The following DLL1 variants were observed in gnomAD, a reference collection of about 807,000 sequenced individuals.
The protein encoded by DLL1 is delta like canonical Notch ligand 1.
DLL1 carries 9 observed loss-of-function variants against 75.1 expected under a neutral mutation model. The ratio of observed to expected loss-of-function variants is 0.12; its 90% CI spans 0.07 to 0.21. The LOEUF (loss-of-function observed/expected upper bound fraction) is 0.21, where lower values mean the gene tolerates loss of function less well. Ranked by LOEUF, DLL1 falls within the 10% of genes least tolerant of loss-of-function variation. DLL1 has a pLI of 1.00. For synonymous variants in DLL1, 477 were observed against 418.3 expected, an observed-to-expected ratio of 1.14 and a Z score of -1.71; for missense variants, 837 against 1,007.6, an observed-to-expected ratio of 0.83 and a Z score of 2.29.
chr6:170,285,194 T>A (rs1296297726), intron 7 of DLL1, 59 bp from the exon 8 acceptor site: 1 of 1,613,734 alleles, frequency 6.2e-7, no homozygotes, highest in African/African-American at 1.3e-5. Context: ...GCCCACACAC[T>A]CCATTCAACA....
At position 170,290,956 on chromosome 6, in the gene DLL1, T is replaced by C; in HGVS notation, c.-817A>G. The stretch of plus-strand genomic sequence containing the variant: ...CTCTCGCCGGCGCCTGCCGCCCTTA[T>C]ATTCAGCCGGCCGCCCGCATGGCTA... On this transcript the variant is annotated 5_prime_UTR_variant, in exon 1 of 11. It adds an upstream start codon to the 5' untranslated region. Coordinates refer to ENST00000366756, the MANE Select transcript of DLL1 (RefSeq NM_005618.4). The surrounding 1 kb of genome is among the most constrained non-coding windows in gnomAD (Gnocchi z 4.7). The C allele has an allele frequency of 1.4e-6, 1 of 700,374 alleles. No homozygotes were observed. Among genetic ancestry groups the C allele is most frequent in the Non-Finnish European group, 2.6e-6 (1 of 383,642 alleles). The allele number at this position is 700,374 out of a possible 1,614,324, so 43.4% of individuals were successfully genotyped here.
At position 170,283,273 on chromosome 6, in the gene DLL1, C is replaced by T. The variant is rs532671084; in HGVS notation, c.2006G>A (p.Gly669Asp). 1.2e-5 allele frequency: 19 copies of T among 1,613,020 alleles called. No individual in the cohort carries two copies. In the South Asian group the frequency reaches 1.9e-4, roughly 16 times the overall value. The part of the protein sequence containing the change: ...SKRDTKCQPQ[G>D]SSGEEKGTPT... The stretch of plus-strand genomic sequence containing the variant: ...GGTCCCCTTCTCCTCCCCTGAGGAG[C>T]CCTGGGGCTGGCACTTGGTGTCACG... The change falls in exon 9 of 11, where the codon GGC becomes GAC. Residue 669 changes from glycine (G) to aspartate (D), a missense_variant. Physicochemically the swap from Gly to Asp is moderately conservative, Grantham distance 94 (BLOSUM62 -1). Around this residue, in one of 2 missense-constraint regions of DLL1, gnomAD observed 533 missense variants for 545.7 expected, o/e 0.98. Transcript: ENST00000366756.
chr6:170,284,040 G>C lies in DLL1; in HGVS notation c.1250-11C>G. ...CCACACACTTGGCACCTGGAACACA[G>C]GGACATGAACATCACGTGTCTCCTC... On this transcript the variant is annotated splice_polypyrimidine_tract_variant and intron_variant, in intron 8 of 10. Transcript: ENST00000366756. 1.3e-6 allele frequency: 2 copies of C among 1,559,448 alleles called. No homozygotes were observed. Among genetic ancestry groups the C allele is most frequent in the Non-Finnish European group, 1.7e-6 (2 of 1,160,618 alleles).
chr6:170,284,586 T>G (rs1724991404), intron 8 of DLL1, among the ~76,000 whole-genome samples: 1 of 152,278 alleles, frequency 6.6e-6, no homozygotes. Context: ...GCCACACAGC[T>G]GGGCCATCCT....
intron 1 of DLL1, 126 bp from the exon 2 acceptor site, chr6:170,289,934 C>T (rs913063936): frequency 1.1e-5 from 14 of 1,332,328 alleles, no homozygotes; most frequent in Non-Finnish European, 4.9e-6. Flanking sequence ...GCTGCACGGC[C>T]GGCGCTGGGG....
chr6:170,290,234 G>C lies in DLL1; in HGVS notation c.-95C>G, dbSNP rs929514767. 4 of 1,467,424 alleles carry C rather than the reference G, an allele frequency of 2.7e-6. No individual in the cohort carries two copies. Among genetic ancestry groups the C allele is most frequent in the Non-Finnish European group, 3.7e-6 (4 of 1,085,472 alleles). 90.9% of individuals were successfully genotyped at this position (1,467,424 alleles called of 1,614,324 possible). ...GGGATCGATGGGCCACGGGGAGCGT[G>C]GGCAGAAAAGCGCCCTTGCCTCGCC... On this transcript the variant is annotated 5_prime_UTR_variant, in exon 1 of 11. Coordinates refer to ENST00000366756, the MANE Select transcript of DLL1 (RefSeq NM_005618.4). The surrounding 1 kb of genome is among the most constrained non-coding windows in gnomAD (Gnocchi z 4.7).
At chr6:170,288,070 C>A (rs962343369) in intron 4 of DLL1, 169 bp downstream of exon 4, 1 of 965,752 alleles carries the variant, frequency 1.0e-6, no homozygotes, top group Non-Finnish European at 1.6e-6. Flanking sequence ...CCCAACCCCC[C>A]CACTGACGAG....
chr6:170,285,325 T>A lies in DLL1; in HGVS notation c.961A>T (p.Thr321Ser), dbSNP rs774015430. 43 of 1,614,054 alleles carry A rather than the reference T, an allele frequency of 2.7e-5. 1 individual carries two copies. In the South Asian group the frequency reaches 3.1e-4, roughly 12 times the overall value. ...SYTCSCRPGY[T>S]GATCELGIDE... ...ATCCCCAGCTCGCAGGTGGCACCTGTGTACCCAGGCCGGCAAGAGCAAGTG... is the reference window on the plus strand; with the variant it reads ...ATCCCCAGCTCGCAGGTGGCACCTGAGTACCCAGGCCGGCAAGAGCAAGTG... Residue 321 changes from threonine (T) to serine (S), a missense_variant, in exon 7 of 11, where the codon ACA (threonine) becomes TCA (serine). This residue lies in a region of DLL1 where 304 missense variants were observed against 461.9 expected (regional missense o/e 0.66). Coordinates refer to ENST00000366756, the MANE Select transcript of DLL1 (RefSeq NM_005618.4).
rs1562495565 is a variant in DLL1 at position 170,284,955 on chromosome 6, T to C, written c.1213A>G (p.Lys405Glu). Residue 405 changes from lysine (K) to glutamate (E), a missense_variant, in exon 8 of 11, where the codon AAA becomes GAA. Transcript: ENST00000366756. ...VGYSGFNCEK[K>E]IDYCSSSPCS... Reference sequence around the variant, plus strand: ...GGTGAAGAGCTGCAGTAGTCAATTTTCTTCTCACAGTTGAAGCCGGAGTAG... The same window carrying C: ...GGTGAAGAGCTGCAGTAGTCAATTTCCTTCTCACAGTTGAAGCCGGAGTAG... 1 of 1,614,090 alleles carries C rather than the reference T, an allele frequency of 6.2e-7. No homozygotes were observed. The highest frequency in any genetic ancestry group is 8.5e-7 in the Non-Finnish European group (1 of 1,180,036).
rs1262469072 is a variant in DLL1 at position 170,290,917 on chromosome 6, C to T, written c.-778G>A. The T allele has an allele frequency of 1.4e-6, 1 of 696,090 alleles. No homozygotes were observed. Among genetic ancestry groups the T allele is most frequent in the Non-Finnish European group, 2.6e-6 (1 of 381,694 alleles). The allele number at this position is 696,090 out of a possible 1,614,324, so 43.1% of individuals were successfully genotyped here. On this transcript the variant is annotated 5_prime_UTR_variant, in exon 1 of 11. Coordinates refer to ENST00000366756, the MANE Select transcript of DLL1 (RefSeq NM_005618.4). The surrounding 1 kb of genome is among the most constrained non-coding windows in gnomAD (Gnocchi z 4.7). ...GCCGGGTCGGGTCTCCGCGGGTGCG[C>T]GCAGAGGATCTGGCTCTCGCCGGCG... is the stretch of plus-strand genomic sequence containing the variant.
rs1562495500 is a variant in DLL1, at chr6:170,284,840, C to A, written c.1249+79G>T. 2.8e-6 allele frequency: 4 copies of A among 1,427,976 alleles called. No individual in the cohort carries two copies. In the South Asian group the frequency reaches 4.6e-5, roughly 16 times the overall value. 88.5% of individuals were successfully genotyped at this position (1,427,976 alleles called of 1,614,324 possible). A position where few individuals can be genotyped will look rare whatever the true frequency, so the allele number is the denominator to read the frequency against. On this transcript the variant is annotated intron_variant, in intron 8 of 10. Transcript: ENST00000366756. Reference sequence around the variant, plus strand: ...AGTGATTCATAAACTCGAGGTCACTCACAAATGCTTGTTTTTAATGCCACC... The same window carrying A: ...AGTGATTCATAAACTCGAGGTCACTAACAAATGCTTGTTTTTAATGCCACC...
chr6:170,286,189 G>C, intron 5 of DLL1, 49 bp downstream of exon 5: 2 of 1,611,648 alleles, frequency 1.2e-6, no homozygotes, highest in East Asian at 2.2e-5. Flanking sequence ...GCTGTGAAAA[G>C]ATAACAAGAA....
chr6:170,289,983 C>G (rs561774137), intron 1 of DLL1, 103 bp downstream of exon 1: 8 of 1,338,000 alleles, frequency 6.0e-6, no homozygotes, highest in African/African-American at 1.6e-5. Context: ...CCGTGGCTGG[C>G]GCGGCCCGTG....
Position 170,285,087 on chromosome 6 carries a change from T to C in DLL1, c.1081A>G (p.Lys361Glu). The change falls in exon 8 of 11, where the codon AAA becomes GAA. Residue 361 changes from lysine to glutamate, a missense_variant. Lys to Glu is a moderately conservative substitution (Grantham distance 56). This residue lies in a region of DLL1 where 533 missense variants were observed against 545.7 expected (regional missense o/e 0.98). Coordinates refer to ENST00000366756, the MANE Select transcript of DLL1 (RefSeq NM_005618.4). ...GTCATGGCACTCAATTCACAGATTT[T>C]GCCGTAGAAGCCGGGTGGGCAGGTA... ...SCTCPPGFYG[K>E]ICELSAMTCA... 6.2e-7 allele frequency: 1 copy of C among 1,614,134 alleles called. No individual in the cohort carries two copies. Among genetic ancestry groups the C allele is most frequent in the East Asian group, 2.2e-5 (1 of 44,866 alleles).
chr6:170,284,079 C>A, intron 8 of DLL1, 50 bp from the exon 9 acceptor site: 1 of 1,534,556 alleles, frequency 6.5e-7, no homozygotes, highest in Non-Finnish European at 8.7e-7. Flanking sequence ...GGTTTGTTCA[C>A]CAAAAAGTCA....
At chr6:170,284,141 A>G in intron 8 of DLL1, 112 bp from the exon 9 acceptor site, 1 of 1,408,848 alleles carries the variant, frequency 7.1e-7, no homozygotes, top group Non-Finnish European at 9.7e-7. Flanking sequence ...AACCAAAGAC[A>G]GTCTGTGGCC....
Position 170,290,034 on chromosome 6 carries a change from C to G in DLL1, c.54+52G>C. 2.0e-6 allele frequency: 3 copies of G among 1,530,552 alleles called. No individual in the cohort carries two copies. The highest frequency in any genetic ancestry group is 2.6e-6 in the Non-Finnish European group (3 of 1,148,142). The allele number at this position is 1,530,552 out of a possible 1,614,324, so 94.8% of individuals were successfully genotyped here. ...CCCCGCGCGCTCCTGCCCCGCGCCCCGGCTACCCGTGAGACCCCGCGGGGC... is the reference window on the plus strand; with the variant it reads ...CCCCGCGCGCTCCTGCCCCGCGCCCGGGCTACCCGTGAGACCCCGCGGGGC... On this transcript the variant is annotated intron_variant, in intron 1 of 10. Coordinates refer to ENST00000366756, the MANE Select transcript of DLL1 (RefSeq NM_005618.4). The surrounding 1 kb of genome is among the most constrained non-coding windows in gnomAD (Gnocchi z 4.7).
intron 1 of DLL1, 43 bp from the exon 2 acceptor site, chr6:170,289,851 C>G (rs758011175): frequency 1.9e-5 from 30 of 1,538,776 alleles, no homozygotes; most frequent in Non-Finnish European, 2.4e-5. Context: ...GGGTCCCGCC[C>G]GAGCTAGGGG....
chr6:170,288,321 G>A lies in DLL1; in HGVS notation c.588C>T (p.Asp196=), dbSNP rs761427052. ...CACAGGTGAAGTGGCCGAAGGCATC[G>A]TCCCGGGGACGGCAGAAAACGGAGC... is the stretch of plus-strand genomic sequence containing the variant. The part of the protein sequence containing the change: ...EGCSVFCRPR[D]DAFGHFTCGE... Residue 196 remains aspartate, a synonymous_variant, in exon 4 of 11, where the codon GAC becomes GAT. Transcript: ENST00000366756. 58 of 1,613,952 alleles carry A rather than the reference G, an allele frequency of 3.6e-5. No individual in the cohort carries two copies. The highest frequency in any genetic ancestry group is 1.2e-4 in the Admixed American group (7 of 60,008).
Sources: allele counts gnomAD v4.1 joint callset (sites outside exome capture counted in the v4.1 genomes callset), GRCh38; gene constraint gnomAD v4.1.1; regional missense constraint gnomAD v4.1.1; non-coding constraint Gnocchi (gnomAD v3.1); transcripts MANE v1.5; gene names NCBI Gene and HGNC (gene_info 2026-07-23, HGNC 2026-07-21).